The following CHN2 variants were observed in gnomAD, a reference collection of about 807,000 sequenced individuals.
The protein encoded by CHN2 is chimerin 2.
Under a neutral mutation model 56.3 loss-of-function variants are expected in CHN2, and 35 were observed. That is an observed-to-expected ratio of 0.62 (90% CI 0.47 to 0.82). CHN2 has a LOEUF of 0.82. Among genes scored for constraint, CHN2 ranks in the 40% least tolerant of loss-of-function variants. The pLI, the probability that CHN2 is intolerant of heterozygous loss-of-function variation, is 0.00. For missense variants in CHN2, 491 were observed against 580.5 expected, an observed-to-expected ratio of 0.85 and a Z score of 1.58; for synonymous variants, 210 against 212.8, an observed-to-expected ratio of 0.99 and a Z score of 0.12.
At chr7:29,360,637 G>C (rs191284979) in intron 2 of CHN2, among the ~76,000 whole-genome samples, 1 of 152,246 alleles carries the variant, frequency 6.6e-6, no homozygotes, top group South Asian at 2.1e-4. Context: ...CTGCTTATAA[G>C]GTTTTCCCAT....
At chr7:29,346,909 T>C (rs1454733576) in intron 1 of CHN2, among the ~76,000 whole-genome samples, 2 of 152,196 alleles carry the variant, frequency 1.3e-5, no homozygotes, top group Admixed American at 6.5e-5. Flanking sequence ...CAAATCAACA[T>C]ATTTCTGGAG....
chr7:29,379,876 A>G (rs557341315), intron 3 of CHN2, among the ~76,000 whole-genome samples: 45 of 152,368 alleles, frequency 3.0e-4, no homozygotes, highest in African/African-American at 1.0e-3. Flanking sequence ...GACAAGCATT[A>G]ATAAGGCACT....
At chr7:29,499,741 G>T in intron 8 of CHN2, 126 bp from the exon 9 acceptor site, 2 of 784,792 alleles carry the variant, frequency 2.5e-6, no homozygotes, top group Non-Finnish European at 4.0e-6. Context: ...CTAGAAACGG[G>T]ATAGATGTTC....
rs113634998 is a variant in CHN2 at position 29,204,685 on chromosome 7, C to T, written c.49+9695C>T. Among the ~76,000 whole-genome samples, 951 of 152,198 alleles carry T rather than the reference C, an allele frequency of 6.2e-3. 4 individuals carry two copies. Among genetic ancestry groups the T allele is most frequent in the African/African-American group, 0.021 (890 of 41,530 alleles). The stretch of plus-strand genomic sequence containing the variant: ...CAATGCCTAGGGTTGAAGGTACTCC[C>T]GGTGACCAGGGCACAGAAGTTTTTG... On this transcript the variant is annotated intron_variant, in intron 1 of 12. Transcript: ENST00000222792.
intron 6 of CHN2, among the ~76,000 whole-genome samples, chr7:29,451,387 G>A (rs1784390724): frequency 6.6e-6 from 1 of 152,092 alleles, no homozygotes; most frequent in African/African-American, 2.4e-5. Context: ...ACAGACAGCT[G>A]CCTGTTTGAG....
chr7:29,447,504 G>A (rs528883327), intron 6 of CHN2, among the ~76,000 whole-genome samples: 261 of 152,216 alleles, frequency 1.7e-3, no homozygotes, highest in Admixed American at 7.5e-3. Flanking sequence ...GAGAGAGAAA[G>A]GGAGGACACA....
At chr7:29,510,738 T>C (rs1410471688) in intron 12 of CHN2, among the ~76,000 whole-genome samples, 1 of 152,230 alleles carries the variant, frequency 6.6e-6, no homozygotes, top group Non-Finnish European at 1.5e-5. Context: ...TACCGTGTTT[T>C]ATCTGTTAGA....
At chr7:29,460,028 T>C (rs1426555394) in intron 6 of CHN2, among the ~76,000 whole-genome samples, 2 of 150,644 alleles carry the variant, frequency 1.3e-5, no homozygotes, top group African/African-American at 4.9e-5. Context: ...GTTCTGATCC[T>C]TATGTTCTTC....
chr7:29,150,285 T>A (rs1793410757), intron 2 of CHN2, among the ~76,000 whole-genome samples: 1 of 152,226 alleles, frequency 6.6e-6, no homozygotes, highest in South Asian at 2.1e-4. Flanking sequence ...TACTATTAGC[T>A]ATCTTGCGGT....
At chr7:29,273,351 ATATATATATATATATATAT>A (rs1790857689) in intron 1 of CHN2, among the ~76,000 whole-genome samples, 1 of 49,832 alleles carries the variant, frequency 2.0e-5, no homozygotes, top group African/African-American at 7.6e-5. Flanking sequence ...GTGTATATAT[ATATATATATATATATATAT>A]ATATATATAT....
chr7:29,220,517 G>T (rs988395593), intron 1 of CHN2, among the ~76,000 whole-genome samples: 1 of 151,952 alleles, frequency 6.6e-6, no homozygotes, highest in Non-Finnish European at 1.5e-5. Context: ...AAGATACTAT[G>T]ATCAATTTTA....
chr7:29,189,666 ACTCT>A (rs902398630), intron 2 of CHN2, among the ~76,000 whole-genome samples: 14 of 146,322 alleles, frequency 9.6e-5, no homozygotes, highest in East Asian at 6.0e-4. Context: ...AGAAAGAAAA[ACTCT>A]CTCTCTCTCG....
intron 2 of CHN2, among the ~76,000 whole-genome samples, chr7:29,163,996 A>G (rs1035471410): frequency 6.6e-5 from 10 of 152,354 alleles, no homozygotes; most frequent in African/African-American, 2.2e-4. Flanking sequence ...ACAAGTCCTT[A>G]TGTGGACATA....
At chr7:29,451,308 G>A (rs927765747) in intron 6 of CHN2, among the ~76,000 whole-genome samples, 4 of 152,204 alleles carry the variant, frequency 2.6e-5, no homozygotes, top group African/African-American at 9.6e-5. Context: ...GGCAGGTAAA[G>A]TTCCGTGTGA....
At chr7:29,151,998 G>C (rs1793658543) in intron 2 of CHN2, among the ~76,000 whole-genome samples, 1 of 152,144 alleles carries the variant, frequency 6.6e-6, no homozygotes, top group Non-Finnish European at 1.5e-5. Context: ...TCTTGTTTAG[G>C]TTTTATTTTA....
At chr7:29,346,222 C>T (rs1797427734) in intron 1 of CHN2, among the ~76,000 whole-genome samples, 2 of 152,200 alleles carry the variant, frequency 1.3e-5, no homozygotes, top group South Asian at 2.1e-4. Context: ...ACAGGCTGTA[C>T]ACTCTGTCCA....
chr7:29,260,775 C>T (rs1232653284), intron 1 of CHN2, among the ~76,000 whole-genome samples: 3 of 152,094 alleles, frequency 2.0e-5, no homozygotes, highest in Admixed American at 6.5e-5. Flanking sequence ...TTCTGGACAC[C>T]GGACCTGTTT....
Position 29,513,548 on chromosome 7 carries a change from A to T in CHN2, c.*813A>T, listed in dbSNP as rs1791727476. The stretch of plus-strand genomic sequence containing the variant: ...GAGTGTGTATCCCAGAAGATACAGA[A>T]TGCGGTCATTTTACCTGAAATTATT... On this transcript the variant is annotated 3_prime_UTR_variant, in exon 13 of 13. Transcript: ENST00000222792. 1 of 152,238 alleles carries T rather than the reference A, an allele frequency of 6.6e-6. No individual in the cohort carries two copies. The allele number at this position is 152,238 out of a possible 1,614,324, so 9.4% of individuals were successfully genotyped here.
chr7:29,205,802 A>G (rs542560625), intron 1 of CHN2, among the ~76,000 whole-genome samples: 3 of 152,296 alleles, frequency 2.0e-5, no homozygotes, highest in East Asian at 1.9e-4. Context: ...ATCTAGAGGA[A>G]TGGTTCTTTA....
Sources: gnomAD v4.1 joint callset for allele counts (sites outside exome capture counted in the v4.1 genomes callset) on GRCh38, gnomAD v4.1.1 for gene constraint, MANE v1.5 for transcripts, NCBI Gene and HGNC (gene_info 2026-07-23, HGNC 2026-07-21) for gene names.